The following IL2RB variants were observed in gnomAD, a reference collection of about 807,000 sequenced individuals.
The protein encoded by IL2RB is interleukin 2 receptor subunit beta, also known as interleukin-2 receptor subunit beta.
In IL2RB, 17 loss-of-function variants were observed where a neutral mutation model predicts 44.2. That is an observed-to-expected ratio of 0.38 (90% CI 0.26 to 0.58). The LOEUF (loss-of-function observed/expected upper bound fraction) is 0.58. Ranked by LOEUF, IL2RB falls within the 20% of genes least tolerant of loss-of-function variation. IL2RB has a pLI of 0.63. For synonymous variants in IL2RB, 286 were observed against 297.9 expected, an observed-to-expected ratio of 0.96 and a Z score of 0.41; for missense variants, 624 against 685.5, an observed-to-expected ratio of 0.91 and a Z score of 1.00.
At chr22:37,168,845 G>A (rs185241335) in intron 1 of IL2RB, among the ~76,000 whole-genome samples, 2 of 152,338 alleles carry the variant, frequency 1.3e-5, no homozygotes, top group African/African-American at 4.8e-5. Flanking sequence ...TTCCCTCCAC[G>A]CCCAGTGCCA....
chr22:37,131,817 A>C (rs539716602), intron 9 of IL2RB, among the ~76,000 whole-genome samples: 2 of 151,534 alleles, frequency 1.3e-5, no homozygotes, highest in South Asian at 2.1e-4. Context: ...GCTCACTGTA[A>C]CCTCCGCCTC....
chr22:37,133,044 AAG>A (rs989739387), intron 8 of IL2RB, among the ~76,000 whole-genome samples: 1 of 152,214 alleles, frequency 6.6e-6, no homozygotes, highest in African/African-American at 2.4e-5. Context: ...ACCGTGAAGA[AAG>A]AGGCACCATT....
rs3218272 is a variant in IL2RB, at chr22:37,143,923, G to A, written c.88+162C>T. On this transcript the variant is annotated intron_variant, in intron 2 of 9. Transcript: ENST00000216223. The stretch of plus-strand genomic sequence containing the variant: ...TGTGTGTGTGTGTGTGTGTGTGCGC[G>A]CATTCATGCATGCATGCCAGGGCAG... 0.042 allele frequency among the ~76,000 whole-genome samples: 6,199 copies of A among 146,926 alleles called. 442 individuals carry two copies. Among genetic ancestry groups the A allele is most frequent in the African/African-American group, 0.15 (5,940 of 39,858 alleles).
rs1922120401 is a variant in IL2RB at position 37,144,218 on chromosome 22, GAGAA to G, written c.-33-17_-33-14del. On this transcript the variant is annotated splice_polypyrimidine_tract_variant and intron_variant, in intron 1 of 9. Transcript: ENST00000216223. ...GAGGAAGGAAGCCCTGGTGGGAGAG[GAGAA>G]AGAGAGAGCACACGTAAATACACAT... The G allele has an allele frequency of 6.5e-7, 1 of 1,535,548 alleles. No homozygotes were observed. Among genetic ancestry groups the G allele is most frequent in the African/African-American group, 1.4e-5 (1 of 72,512 alleles).
chr22:37,129,464 C>T (rs1444030261), intron 9 of IL2RB, among the ~76,000 whole-genome samples: 1 of 150,964 alleles, frequency 6.6e-6, no homozygotes, highest in South Asian at 2.1e-4. Context: ...ACCCCCACCC[C>T]CTCCGCCTCC....
At chr22:37,135,291 G>T (rs751259673) in intron 8 of IL2RB, 37 bp downstream of exon 8, 29 of 1,418,270 alleles carry the variant, frequency 2.0e-5, no homozygotes, top group Non-Finnish European at 2.8e-5. Flanking sequence ...CGTTGGAGGG[G>T]TGGGAGCATG....
chr22:37,139,253 T>C, intron 4 of IL2RB, 31 bp from the exon 5 acceptor site: 2 of 1,491,074 alleles, frequency 1.3e-6, no homozygotes, highest in Non-Finnish European at 1.9e-6. Flanking sequence ...GGGTGAAACT[T>C]CTAGCAGCTT....
At position 37,136,382 on chromosome 22, in the gene IL2RB, C is replaced by CA; in HGVS notation, c.548dup (p.Leu184AlafsTer22). The CA allele has an allele frequency of 6.2e-7, 1 of 1,609,890 alleles. No homozygotes were observed. Among genetic ancestry groups the CA allele is most frequent in the Non-Finnish European group, 8.5e-7 (1 of 1,178,376 alleles). Reference sequence around the variant, plus strand: ...ATTCCTGCTTCTGCTTGAGAGTCAGCAGGGGGGCCTCCTGGGTCGGAGACA... The same window carrying CA: ...ATTCCTGCTTCTGCTTGAGAGTCAGCAAGGGGGGCCTCCTGGGTCGGAGACA... On this transcript the variant is annotated frameshift_variant, in exon 7 of 10. Coordinates refer to ENST00000216223, the MANE Select transcript of IL2RB (RefSeq NM_000878.5). LOFTEE classifies it high-confidence loss of function.
intron 8 of IL2RB, among the ~76,000 whole-genome samples, chr22:37,134,671 T>C (rs1921595181): frequency 6.6e-6 from 1 of 152,158 alleles, no homozygotes; most frequent in Admixed American, 6.5e-5. Context: ...CTTTGGTATC[T>C]GTAGGGGGTA....
intron 9 of IL2RB, among the ~76,000 whole-genome samples, chr22:37,129,972 T>A (rs182624153): frequency 6.6e-6 from 1 of 152,264 alleles, no homozygotes; most frequent in African/African-American, 2.4e-5. Context: ...CAGCAACAAA[T>A]GCCCAGTTCT....
chr22:37,136,036 C>T (rs2146234635), intron 7 of IL2RB, among the ~76,000 whole-genome samples, 192 bp downstream of exon 7: 2 of 152,226 alleles, frequency 1.3e-5, no homozygotes, highest in East Asian at 3.9e-4. Context: ...CTCACAAGGC[C>T]CATGGCAAGC....
chr22:37,173,090 G>T (rs915377943), intron 1 of IL2RB, among the ~76,000 whole-genome samples: 3 of 152,152 alleles, frequency 2.0e-5, no homozygotes, highest in Non-Finnish European at 4.4e-5. Context: ...CTTTCTTTCA[G>T]TTCCTGGGAG....
chr22:37,128,452 G>T lies in IL2RB; in HGVS notation c.1300C>A (p.Leu434Ile). The T allele has an allele frequency of 6.4e-7, 1 of 1,566,262 alleles. No homozygotes were observed. The highest frequency in any genetic ancestry group is 8.7e-7 in the Non-Finnish European group (1 of 1,153,288). The change falls in exon 10 of 10, where the codon CTC becomes ATC. Residue 434 changes from leucine (L) to isoleucine (I), a missense_variant. Transcript: ENST00000216223. This position sits in a 1 kb window ranked among gnomAD's most constrained non-coding sequence, Gnocchi z 4.5. Reference sequence around the variant, plus strand: ...CTTGGGGGGCTGGGGCCACCGAGGAGACTGGGGGAGAAGAGCAGCAGGTCA... The same window carrying T: ...CTTGGGGGGCTGGGGCCACCGAGGATACTGGGGGAGAAGAGCAGCAGGTCA... Reference protein sequence around the residue: ...RDDLLLFSPSLLGGPSPPSTA... With the variant: ...RDDLLLFSPSILGGPSPPSTA...
intron 1 of IL2RB, among the ~76,000 whole-genome samples, chr22:37,163,166 G>A (rs1922941875): frequency 1.3e-5 from 2 of 152,158 alleles, no homozygotes; most frequent in South Asian, 4.1e-4. Flanking sequence ...ATCTGGAGTG[G>A]TTCTCAGGTT....
At chr22:37,165,976 G>A (rs1001282603) in intron 1 of IL2RB, among the ~76,000 whole-genome samples, 1 of 152,230 alleles carries the variant, frequency 6.6e-6, no homozygotes, top group Non-Finnish European at 1.5e-5. Flanking sequence ...CCTGTCTGGT[G>A]TGCACGTGTG....
chr22:37,147,271 G>A (rs1601605316), intron 1 of IL2RB, among the ~76,000 whole-genome samples: 1 of 152,208 alleles, frequency 6.6e-6, no homozygotes, highest in South Asian at 2.1e-4. Context: ...GCACACAGAG[G>A]TGAAGTGCGT....
chr22:37,142,584 GAT>G, intron 3 of IL2RB, 72 bp from the exon 4 acceptor site: 1 of 1,463,148 alleles, frequency 6.8e-7, no homozygotes, highest in Non-Finnish European at 9.6e-7. Context: ...ACTCTTCTCA[GAT>G]CTCTCTGCTG....
At chr22:37,133,732 C>T (rs1921545092) in intron 8 of IL2RB, among the ~76,000 whole-genome samples, 2 of 152,210 alleles carry the variant, frequency 1.3e-5, no homozygotes, top group Admixed American at 1.3e-4. Flanking sequence ...CATGACTGCT[C>T]GGCACACGGC....
At chr22:37,131,533 A>G (rs1247979118) in intron 9 of IL2RB, among the ~76,000 whole-genome samples, 1 of 152,210 alleles carries the variant, frequency 6.6e-6, no homozygotes, top group African/African-American at 2.4e-5. Context: ...GCGGGCCGGC[A>G]CTTTAAAAAT....
Sources: gnomAD v4.1 joint callset for allele counts (sites outside exome capture counted in the v4.1 genomes callset) on GRCh38, gnomAD v4.1.1 for gene constraint, Gnocchi (gnomAD v3.1) non-coding constraint, MANE v1.5 for transcripts, NCBI Gene and HGNC (gene_info 2026-07-23, HGNC 2026-07-21) for gene names.